The following MAGI2 variants were observed in gnomAD, a reference collection of about 807,000 sequenced individuals.
MAGI2 encodes membrane-associated guanylate kinase, WW and PDZ domain-containing protein 2.
MAGI2 carries 35 observed loss-of-function variants against 133.3 expected under a neutral mutation model. The ratio of observed to expected loss-of-function variants is 0.26; its 90% CI spans 0.20 to 0.35. The LOEUF (loss-of-function observed/expected upper bound fraction) is 0.35. MAGI2 is among the 10% of genes least tolerant of loss of function. The pLI, the probability that MAGI2 is intolerant of heterozygous loss-of-function variation, is 1.00. For synonymous variants in MAGI2, 729 were observed against 710.6 expected, an observed-to-expected ratio of 1.03 and a Z score of -0.41; for missense variants, 1,636 against 1,863.4, an observed-to-expected ratio of 0.88 and a Z score of 2.25.
chr7:78,878,143 A>C (rs758626497), intron 2 of MAGI2, among the ~76,000 whole-genome samples: 12 of 152,314 alleles, frequency 7.9e-5, no homozygotes, highest in Admixed American at 6.5e-5. Flanking sequence ...ACCACATTAC[A>C]TCTGTTACAG....
chr7:78,787,158 G>T (rs910894370), intron 2 of MAGI2, among the ~76,000 whole-genome samples: 1 of 152,096 alleles, frequency 6.6e-6, no homozygotes, highest in Non-Finnish European at 1.5e-5. Context: ...ATGTTGGCCA[G>T]GCTGGTCTCG....
chr7:79,396,118 A>G (rs189289689), intron 1 of MAGI2, among the ~76,000 whole-genome samples: 1 of 152,172 alleles, frequency 6.6e-6, no homozygotes, highest in East Asian at 1.9e-4. Flanking sequence ...GCTAGCATTC[A>G]CCAAAGATCT....
chr7:79,015,424 T>TA (rs1346492262), intron 1 of MAGI2, among the ~76,000 whole-genome samples: 13 of 152,298 alleles, frequency 8.5e-5, no homozygotes, highest in African/African-American at 2.9e-4. Flanking sequence ...GCTTTATCCT[T>TA]AAAAGTATCA....
rs185096811 is a variant in MAGI2 at position 79,119,873 on chromosome 7, C to T, written c.302-112667G>A. On this transcript the variant is annotated intron_variant, in intron 1 of 21. Transcript: ENST00000354212. ...CTAGGGTTTCAAAAAATAAAATCTG[C>T]AGCTGCTAAACATAGAAACTAAAAG... Among the ~76,000 whole-genome samples the T allele has an allele frequency of 1.1e-4, 16 of 152,178 alleles. No homozygotes were observed. The East Asian group carries it at 3.1e-3, about 29-fold the overall frequency.
rs1218009315 is a variant in MAGI2, at chr7:78,169,231, GTT to G, written c.2404-1125_2404-1124del. 3.3e-5 allele frequency among the ~76,000 whole-genome samples: 5 copies of G among 152,184 alleles called. No homozygotes were observed. In the East Asian group the frequency reaches 9.6e-4, roughly 29 times the overall value. On this transcript the variant is annotated intron_variant, in intron 14 of 21. Coordinates refer to ENST00000354212, the MANE Select transcript of MAGI2 (RefSeq NM_012301.4). ...TAGTATTACATATTTTAATTTTGCT[GTT>G]TAACCTATAAACAATTTTTCAAACT... is the stretch of plus-strand genomic sequence containing the variant.
At chr7:78,905,466 A>T (rs1331761042) in intron 2 of MAGI2, among the ~76,000 whole-genome samples, 1 of 152,190 alleles carries the variant, frequency 6.6e-6, no homozygotes. Context: ...TAAGGTTAGG[A>T]TGATTAACTG....
rs1409014766 is a variant in MAGI2 at position 78,017,218 on chromosome 7, G to A, written c.*2097C>T. 2 of 152,532 alleles carry A rather than the reference G, an allele frequency of 1.3e-5. No individual in the cohort carries two copies. Among genetic ancestry groups the A allele is most frequent in the African/African-American group, 4.8e-5 (2 of 41,408 alleles). The allele number at this position is 152,532 out of a possible 1,614,324, so 9.4% of individuals were successfully genotyped here. ...GTCTTTCTGTGACTATTAATACATG[G>A]AATTATATTTATAGAGATACAGCTG... On this transcript the variant is annotated 3_prime_UTR_variant, in exon 22 of 22. Transcript: ENST00000354212.
At chr7:78,123,773 G>T (rs1820697986) in intron 20 of MAGI2, among the ~76,000 whole-genome samples, 1 of 152,174 alleles carries the variant, frequency 6.6e-6, no homozygotes, top group East Asian at 1.9e-4. Context: ...ACCTCGGAAG[G>T]TAAAACCTCA....
At chr7:78,371,783 T>A (rs1042129991) in intron 6 of MAGI2, among the ~76,000 whole-genome samples, 1 of 152,080 alleles carries the variant, frequency 6.6e-6, no homozygotes, top group African/African-American at 2.4e-5. Context: ...GTTCGTTTGG[T>A]TGTTTCAGAT....
intron 1 of MAGI2, among the ~76,000 whole-genome samples, chr7:79,077,137 C>G (rs1477075106): frequency 2.0e-5 from 3 of 152,114 alleles, no homozygotes; most frequent in African/African-American, 7.2e-5. Context: ...GTGATTCTGT[C>G]CAAATTAAAA....
intron 7 of MAGI2, among the ~76,000 whole-genome samples, chr7:78,362,443 G>A (rs1418284129): frequency 6.6e-6 from 1 of 152,152 alleles, no homozygotes; most frequent in African/African-American, 2.4e-5. Flanking sequence ...GGGGAGGTAA[G>A]TGGGAATTAT....
rs146885025 is a variant in MAGI2 at position 78,607,845 on chromosome 7, C to T, written c.538+19275G>A. 3.3e-5 allele frequency among the ~76,000 whole-genome samples: 5 copies of T among 152,258 alleles called. No individual in the cohort carries two copies. The East Asian group carries it at 9.7e-4, about 30-fold the overall frequency. On this transcript the variant is annotated intron_variant, in intron 3 of 21. Transcript: ENST00000354212. ...ATCCCTTTGTGCTGGTAGCATCCCG[C>T]CTCTGGTACTCTCCAAGTTGGCCCA...
At chr7:78,584,206 G>T (rs1045020772) in intron 3 of MAGI2, among the ~76,000 whole-genome samples, 2 of 152,156 alleles carry the variant, frequency 1.3e-5, no homozygotes, top group Non-Finnish European at 1.5e-5. Flanking sequence ...CAGATCACAA[G>T]GTCAAGAGTT....
chr7:79,143,198 A>G (rs1475887785), intron 1 of MAGI2, among the ~76,000 whole-genome samples: 1 of 152,216 alleles, frequency 6.6e-6, no homozygotes, highest in African/African-American at 2.4e-5. Flanking sequence ...ACAATTTTAC[A>G]TAGTGCTGCC....
At chr7:78,416,128 G>T (rs1798278817) in intron 6 of MAGI2, among the ~76,000 whole-genome samples, 1 of 152,096 alleles carries the variant, frequency 6.6e-6, no homozygotes, top group Non-Finnish European at 1.5e-5. Context: ...AACATCAAGG[G>T]AGTTGCTGAC....
chr7:78,219,712 C>T (rs1276534374), intron 10 of MAGI2, among the ~76,000 whole-genome samples: 1 of 152,186 alleles, frequency 6.6e-6, no homozygotes, highest in Non-Finnish European at 1.5e-5. Context: ...AAACCATTCT[C>T]CAATCCAGAA....
chr7:79,351,241 A>G (rs1437958098), intron 1 of MAGI2, among the ~76,000 whole-genome samples: 1 of 152,168 alleles, frequency 6.6e-6, no homozygotes, highest in Non-Finnish European at 1.5e-5. Context: ...ATTTACACTA[A>G]ATTAAGTAGG....
intron 2 of MAGI2, among the ~76,000 whole-genome samples, chr7:78,768,051 T>C (rs908422506): frequency 2.6e-5 from 4 of 152,208 alleles, no homozygotes; most frequent in Non-Finnish European, 5.9e-5. Flanking sequence ...CAAAATTCCA[T>C]TGGTGGGAAG....
intron 1 of MAGI2, among the ~76,000 whole-genome samples, chr7:79,052,199 G>A (rs1250609379): frequency 1.3e-5 from 2 of 152,122 alleles, no homozygotes; most frequent in Non-Finnish European, 2.9e-5. Flanking sequence ...AGATGACTCA[G>A]CAGGGGGAGG....
Sources: allele counts gnomAD v4.1 joint callset (sites outside exome capture counted in the v4.1 genomes callset), GRCh38; gene constraint gnomAD v4.1.1; transcripts MANE v1.5; gene names NCBI Gene and HGNC (gene_info 2026-07-23, HGNC 2026-07-21).